Variants in EPM2A observed in about 807,000 individuals in gnomAD.
EPM2A encodes the protein EPM2A glucan phosphatase, laforin.
A neutral mutation model predicts 26.5 loss-of-function variants in EPM2A; 21 were observed. The ratio of observed to expected loss-of-function variants is 0.79; its 90% CI spans 0.56 to 1.14. The LOEUF is 1.14. EPM2A is among the 50% of genes most tolerant of loss of function. EPM2A has a pLI of 0.00. For synonymous variants in EPM2A, 217 were observed against 177.6 expected (o/e 1.22, Z -1.76); for missense variants, 458 against 440.8 (o/e 1.04, Z -0.35).
chr6:145,412,621 G>A (rs1019344079), intron 4 of EPM2A, among the ~76,000 whole-genome samples: 2 of 152,100 alleles, frequency 1.3e-5, no homozygotes, highest in African/African-American at 2.4e-5. Context: ...AAAGTATGGG[G>A]ATCTTTTCAG....
chr6:145,529,238 G>A (rs1192235714), intron 2 of EPM2A, among the ~76,000 whole-genome samples: 1 of 152,158 alleles, frequency 6.6e-6, no homozygotes, highest in African/African-American at 2.4e-5. Context: ...ATCAGTGGCA[G>A]GAGTGGAAAA....
intron 2 of EPM2A, among the ~76,000 whole-genome samples, chr6:145,653,495 G>A (rs1778042406): frequency 6.6e-6 from 1 of 152,168 alleles, no homozygotes; most frequent in Admixed American, 6.5e-5. Flanking sequence ...TTATAGCAGT[G>A]TGAGAATGGA....
At chr6:145,416,081 C>A (rs191509887) in intron 4 of EPM2A, among the ~76,000 whole-genome samples, 4 of 152,258 alleles carry the variant, frequency 2.6e-5, no homozygotes, top group Admixed American at 2.6e-4. Flanking sequence ...CTGTCTTGAT[C>A]CTGCCCACTT....
intron 2 of EPM2A, among the ~76,000 whole-genome samples, chr6:145,546,413 C>A (rs1396224800): frequency 6.6e-6 from 1 of 152,122 alleles, no homozygotes; most frequent in Non-Finnish European, 1.5e-5. Context: ...TGCCTGCTCA[C>A]ATCAGTGAGG....
intron 4 of EPM2A, among the ~76,000 whole-genome samples, chr6:145,438,646 G>T (rs1259544292): frequency 6.6e-6 from 1 of 151,702 alleles, no homozygotes; most frequent in Non-Finnish European, 1.5e-5. Flanking sequence ...GCTAATTTTT[G>T]TATTTTTAGT....
intron 4 of EPM2A, among the ~76,000 whole-genome samples, chr6:145,430,056 G>C (rs1778902075): frequency 6.6e-6 from 1 of 151,870 alleles, no homozygotes; most frequent in South Asian, 2.1e-4. Flanking sequence ...GCCCAGCATG[G>C]TGGTGGGCGC....
At chr6:145,557,074 A>C (rs1780736849) in intron 2 of EPM2A, among the ~76,000 whole-genome samples, 1 of 152,164 alleles carries the variant, frequency 6.6e-6, no homozygotes, top group Admixed American at 6.6e-5. Flanking sequence ...TTATCTGTGC[A>C]TATTTCACTA....
intron 2 of EPM2A, among the ~76,000 whole-genome samples, chr6:145,580,686 G>A (rs1307321250): frequency 1.3e-5 from 2 of 151,936 alleles, no homozygotes; most frequent in Non-Finnish European, 2.9e-5. Flanking sequence ...CTACTCTAAA[G>A]TGGGCCCCAG....
chr6:145,407,929 T>A (rs1157680772), intron 4 of EPM2A, among the ~76,000 whole-genome samples: 4 of 152,224 alleles, frequency 2.6e-5, no homozygotes, highest in African/African-American at 7.2e-5. Context: ...AAGTTTTATA[T>A]AACCAGTTTA....
chr6:145,385,986 C>T (rs559926873), intron 4 of EPM2A, among the ~76,000 whole-genome samples: 68 of 152,176 alleles, frequency 4.5e-4, no homozygotes, highest in African/African-American at 1.6e-3. Flanking sequence ...AGGGAGATTT[C>T]ATTCAGATCT....
chr6:145,424,342 G>T (rs1262709868), intron 4 of EPM2A, among the ~76,000 whole-genome samples: 1 of 152,202 alleles, frequency 6.6e-6, no homozygotes, highest in Non-Finnish European at 1.5e-5. Flanking sequence ...AGGAGATTAA[G>T]CTGGAAGAGA....
intron 2 of EPM2A, among the ~76,000 whole-genome samples, chr6:145,644,350 C>A (rs1311608705): frequency 3.9e-5 from 6 of 152,176 alleles, no homozygotes. Context: ...TACAGAATCA[C>A]CTTCCTTGGT....
In EPM2A at chr6:145,459,162, G is replaced by A. The variant is rs146083790; in HGVS notation, c.555+43360C>T. ...AACTCTGAATACAGTATGGACAAGT[G>A]GGGATATGTAGCCAATGGGCAAAGA... is the stretch of plus-strand genomic sequence containing the variant. On this transcript the variant is annotated intron_variant, in intron 4 of 4. Coordinates refer to the EPM2A transcript ENST00000638717. Among the ~76,000 whole-genome samples the A allele has an allele frequency of 6.8e-3, 1,035 of 152,282 alleles. 48 individuals carry two copies. Among genetic ancestry groups the A allele is most frequent in the Admixed American group, 0.062 (951 of 15,278 alleles).
intron 2 of EPM2A, among the ~76,000 whole-genome samples, chr6:145,578,133 T>C (rs1781060736): frequency 6.6e-6 from 1 of 151,960 alleles, no homozygotes; most frequent in Non-Finnish European, 1.5e-5. Flanking sequence ...TGATGCATCT[T>C]AAAGAACTAG....
intron 2 of EPM2A, among the ~76,000 whole-genome samples, chr6:145,580,098 A>G (rs1448104140): frequency 6.6e-6 from 1 of 152,180 alleles, no homozygotes; most frequent in South Asian, 2.1e-4. Context: ...AGAAAAGGTT[A>G]TTATAGATTT....
At chr6:145,719,163 AC>A (rs1775809102) in intron 1 of EPM2A, among the ~76,000 whole-genome samples, 1 of 151,646 alleles carries the variant, frequency 6.6e-6, no homozygotes, top group Non-Finnish European at 1.5e-5. Flanking sequence ...CTATAAAGAC[AC>A]ATGCACACGT....
Position 145,515,502 on chromosome 6 carries a change from G to T in EPM2A, c.341-12927C>A, listed in dbSNP as rs528529945. Among the ~76,000 whole-genome samples, 139 of 152,258 alleles carry T rather than the reference G, an allele frequency of 9.1e-4. 1 individual carries two copies. Among genetic ancestry groups the T allele is most frequent in the Non-Finnish European group, 1.6e-4 (11 of 68,016 alleles). On this transcript the variant is annotated intron_variant, in intron 2 of 3. Transcript: ENST00000450221. ...AGATCAAGATGCTGAAAGACCCTGT[G>T]TCTGGTGACAGGCACACTTCCTCAT...
chr6:145,506,775 T>C (rs1044553632), intron 2 of EPM2A, among the ~76,000 whole-genome samples: 12 of 152,200 alleles, frequency 7.9e-5, no homozygotes, highest in Non-Finnish European at 1.6e-4. Context: ...TCCTTGGATC[T>C]GATTAGGATA....
At chr6:145,615,055 T>C (rs550904842) in intron 2 of EPM2A, among the ~76,000 whole-genome samples, 1 of 152,346 alleles carries the variant, frequency 6.6e-6, no homozygotes, top group African/African-American at 2.4e-5. Context: ...TTATTTTTTA[T>C]GGCCATCGGT....
Sources: gnomAD v4.1 joint callset for allele counts (sites outside exome capture counted in the v4.1 genomes callset) on GRCh38, gnomAD v4.1.1 for gene constraint, MANE v1.5 for transcripts, NCBI Gene and HGNC (gene_info 2026-07-23, HGNC 2026-07-21) for gene names.